The following CTNNA3 variants were observed in gnomAD, a reference collection of about 807,000 sequenced individuals.
The protein encoded by CTNNA3 is catenin alpha-3.
In CTNNA3, 76 loss-of-function variants were observed where a neutral mutation model predicts 95.7. The ratio of observed to expected loss-of-function variants is 0.79; its 90% CI spans 0.66 to 0.96. The LOEUF is 0.96. Ranked by LOEUF, CTNNA3 falls within the 40% of genes least tolerant of loss-of-function variation. The pLI, the probability that CTNNA3 is intolerant of heterozygous loss-of-function variation, is 0.00. For synonymous variants in CTNNA3, 431 were observed against 374.4 expected, an observed-to-expected ratio of 1.15 and a Z score of -1.74; for missense variants, 1,191 against 1,089.8, an observed-to-expected ratio of 1.09 and a Z score of -1.31.
intron 11 of CTNNA3, among the ~76,000 whole-genome samples, chr10:66,510,453 G>A (rs553298247): frequency 1.2e-4 from 18 of 151,856 alleles, no homozygotes; most frequent in Non-Finnish European, 2.7e-4. Context: ...TAGTGAAAGT[G>A]AGCATCCTTG....
In CTNNA3 at chr10:67,657,183, G is replaced by A. The variant is rs76537699; in HGVS notation, c.-5-9665C>T. ...TAAGTTTTTCGATCTGGAGCAACTG[G>A]AAGGATAGAGTTGCCATTAACTGAG... On this transcript the variant is annotated intron_variant, in intron 1 of 17. Transcript: ENST00000433211. Among the ~76,000 whole-genome samples, 984 of 152,272 alleles carry A rather than the reference G, an allele frequency of 6.5e-3. 16 individuals are homozygous for A. Among genetic ancestry groups the A allele is most frequent in the African/African-American group, 0.022 (929 of 41,554 alleles).
At chr10:66,111,739 A>T (rs1279669901) in intron 13 of CTNNA3, among the ~76,000 whole-genome samples, 1 of 152,190 alleles carries the variant, frequency 6.6e-6, no homozygotes, top group East Asian at 1.9e-4. Flanking sequence ...ACGAGTGTAA[A>T]GCACCTGAGG....
chr10:67,158,705 G>T (rs1055361771), intron 7 of CTNNA3, among the ~76,000 whole-genome samples: 1 of 152,122 alleles, frequency 6.6e-6, no homozygotes, highest in East Asian at 1.9e-4. Context: ...AGTTATGATA[G>T]TAATAAGAAC....
chr10:66,068,512 T>C (rs548315772), intron 15 of CTNNA3, among the ~76,000 whole-genome samples: 43 of 152,314 alleles, frequency 2.8e-4, no homozygotes, highest in Middle Eastern at 3.4e-3. Context: ...TTAACAGTTA[T>C]TTCATTACTC....
chr10:66,822,554 C>T (rs1842340054), intron 7 of CTNNA3, among the ~76,000 whole-genome samples: 1 of 152,202 alleles, frequency 6.6e-6, no homozygotes, highest in South Asian at 2.1e-4. Flanking sequence ...TGTTATACCA[C>T]TTATGTGTCC....
chr10:67,294,007 G>A (rs1190927411), intron 5 of CTNNA3, among the ~76,000 whole-genome samples: 1 of 152,036 alleles, frequency 6.6e-6, no homozygotes, highest in Non-Finnish European at 1.5e-5. Flanking sequence ...AGTGCTCTAG[G>A]TTCAATTGGC....
chr10:66,668,852 A>C, intron 9 of CTNNA3, among the ~76,000 whole-genome samples: 1 of 151,674 alleles, frequency 6.6e-6, no homozygotes, highest in Non-Finnish European at 1.5e-5. Context: ...TATATATTCT[A>C]TATATATATA....
chr10:67,309,521 G>T (rs1479263392), intron 5 of CTNNA3, among the ~76,000 whole-genome samples: 4 of 152,140 alleles, frequency 2.6e-5, no homozygotes, highest in African/African-American at 9.7e-5. Flanking sequence ...AGAGAGAAAT[G>T]AAGGGAGCTA....
In CTNNA3 at chr10:66,048,606, A is replaced by G. The variant is rs184116623; in HGVS notation, c.2159+20702T>C. Reference sequence around the variant, plus strand: ...AAACCCCATCTCTACTAAAAATACAAAAAAATTAGCCAGGCGTGCTGGTGG... The same window carrying G: ...AAACCCCATCTCTACTAAAAATACAGAAAAATTAGCCAGGCGTGCTGGTGG... On this transcript the variant is annotated intron_variant, in intron 15 of 17. Coordinates refer to ENST00000433211, the MANE Select transcript of CTNNA3 (RefSeq NM_013266.4). Among the ~76,000 whole-genome samples, 1,027 of 152,034 alleles carry G rather than the reference A, an allele frequency of 6.8e-3. 15 individuals carry two copies. Among genetic ancestry groups the G allele is most frequent in the African/African-American group, 0.024 (983 of 41,472 alleles).
intron 5 of CTNNA3, among the ~76,000 whole-genome samples, chr10:67,515,724 T>G (rs1478106296): frequency 6.6e-6 from 1 of 152,198 alleles, no homozygotes; most frequent in South Asian, 2.1e-4. Context: ...TCAATCAGAA[T>G]TCTTTCAGGA....
chr10:66,736,618 C>T (rs1213429536), intron 9 of CTNNA3, among the ~76,000 whole-genome samples: 2 of 151,554 alleles, frequency 1.3e-5, no homozygotes, highest in African/African-American at 4.8e-5. Context: ...TGTAAATGGG[C>T]CAAAAATTTA....
intron 10 of CTNNA3, among the ~76,000 whole-genome samples, chr10:66,590,013 GA>G (rs1301488091): frequency 2.0e-5 from 3 of 151,644 alleles, no homozygotes; most frequent in Non-Finnish European, 4.4e-5. Flanking sequence ...AAGATTTTTT[GA>G]AAAAAAGTTT....
intron 7 of CTNNA3, among the ~76,000 whole-genome samples, chr10:67,169,204 C>T (rs1202850467): frequency 6.6e-6 from 1 of 152,160 alleles, no homozygotes; most frequent in East Asian, 1.9e-4. Context: ...TTAAAATGGC[C>T]ATACTGCCCA....
At chr10:66,141,192 G>C (rs2083598281) in intron 13 of CTNNA3, among the ~76,000 whole-genome samples, 1 of 151,778 alleles carries the variant, frequency 6.6e-6, no homozygotes, top group South Asian at 2.1e-4. Flanking sequence ...CCAGGAGGTG[G>C]AAGTTGCAGT....
chr10:66,692,336 G>A (rs527745295), intron 9 of CTNNA3, among the ~76,000 whole-genome samples: 1 of 152,298 alleles, frequency 6.6e-6, no homozygotes, highest in Admixed American at 6.5e-5. Flanking sequence ...CAGAGCCGAT[G>A]TGATCAACTG....
At chr10:66,207,308 T>C (rs2087825360) in intron 13 of CTNNA3, among the ~76,000 whole-genome samples, 2 of 152,066 alleles carry the variant, frequency 1.3e-5, no homozygotes, top group African/African-American at 4.8e-5. Flanking sequence ...TCATATTTTA[T>C]AAAACAAAAC....
intron 5 of CTNNA3, among the ~76,000 whole-genome samples, chr10:67,320,383 T>C (rs1217451988): frequency 1.3e-5 from 2 of 152,180 alleles, no homozygotes; most frequent in African/African-American, 4.8e-5. Flanking sequence ...AACTGAATCC[T>C]GTCAGAATCA....
At chr10:66,432,330 C>T (rs911505877) in intron 11 of CTNNA3, among the ~76,000 whole-genome samples, 23 of 152,158 alleles carry the variant, frequency 1.5e-4, no homozygotes, top group African/African-American at 2.7e-4. Flanking sequence ...ACTAAAACAG[C>T]GATACGCATT....
At chr10:66,192,728 C>T (rs10822743) in intron 13 of CTNNA3, among the ~76,000 whole-genome samples, 50,290 of 151,952 alleles carry the variant, frequency 0.33, 9,807 homozygotes, top group South Asian at 0.53. Flanking sequence ...ATGATGTTTG[C>T]AATTTCTTTA....
Sources: gnomAD v4.1 joint callset for allele counts (sites outside exome capture counted in the v4.1 genomes callset) on GRCh38, gnomAD v4.1.1 for gene constraint, MANE v1.5 for transcripts, NCBI Gene and HGNC (gene_info 2026-07-23, HGNC 2026-07-21) for gene names.